Variants in ACTR6 observed in about 807,000 individuals in gnomAD.
ACTR6 encodes the protein actin-related protein 6.
In ACTR6, 50 loss-of-function variants were observed where a neutral mutation model predicts 52.5. The observed-to-expected ratio is 0.95, with a 90% CI of 0.76 to 1.20. The LOEUF (loss-of-function observed/expected upper bound fraction) is 1.20. Ranked by LOEUF, ACTR6 falls within the 50% of genes most tolerant of loss-of-function variation. ACTR6 has a pLI of 0.00. For missense variants in ACTR6, 344 were observed against 472.4 expected (o/e 0.73, Z 2.52); for synonymous variants, 135 against 147.2 (o/e 0.92, Z 0.60).
chr12:100,208,014 A>G (rs2096116412), intron 4 of ACTR6: 2 of 368,006 alleles, frequency 5.4e-6, no homozygotes, highest in Admixed American at 8.3e-5. Flanking sequence ...TAGAAAAATT[A>G]GTTGGGCATG....
At chr12:100,219,441 A>T (rs925188323) in intron 9 of ACTR6, among the ~76,000 whole-genome samples, 1 of 152,202 alleles carries the variant, frequency 6.6e-6, no homozygotes, top group African/African-American at 2.4e-5. Context: ...ATTTGCTATC[A>T]TGTAACTTTA....
chr12:100,214,117 A>G (rs575496884), intron 8 of ACTR6, among the ~76,000 whole-genome samples: 2 of 152,342 alleles, frequency 1.3e-5, no homozygotes, highest in East Asian at 3.9e-4. Flanking sequence ...AGCTATGTAC[A>G]CTTTTAGTCT....
intron 9 of ACTR6, 102 bp from the exon 10 acceptor site, chr12:100,219,906 C>T: frequency 8.3e-7 from 1 of 1,204,196 alleles, no homozygotes; most frequent in East Asian, 2.4e-5. Context: ...AACTGTAATC[C>T]CTAATTGCTT....
intron 1 of ACTR6, among the ~76,000 whole-genome samples, chr12:100,201,215 G>C (rs1016219801): frequency 6.6e-6 from 1 of 152,232 alleles, no homozygotes; most frequent in Non-Finnish European, 1.5e-5. Flanking sequence ...GGTCCGTAAA[G>C]TTCATCAGCC....
chr12:100,210,362 G>C lies in ACTR6; in HGVS notation c.572+11G>C, dbSNP rs535597100. 5.6e-6 allele frequency: 9 copies of C among 1,612,692 alleles called. No homozygotes were observed. Among genetic ancestry groups the C allele is most frequent in the Admixed American group, 3.3e-5 (2 of 59,866 alleles). On this transcript the variant is annotated intron_variant, in intron 6 of 10. Coordinates refer to ENST00000188312, the MANE Select transcript of ACTR6 (RefSeq NM_022496.5). ...GATCATATCTTACAGGTGATGCTTAGCTTTGATTCTTTGGGAGGATGGGGC... is the reference window on the plus strand; with the variant it reads ...GATCATATCTTACAGGTGATGCTTACCTTTGATTCTTTGGGAGGATGGGGC...
In ACTR6 at chr12:100,218,037, C is replaced by T. The variant is rs1230912212; in HGVS notation, c.751-378C>T. Among the ~76,000 whole-genome samples, 5 of 152,086 alleles carry T rather than the reference C, an allele frequency of 3.3e-5. No homozygotes were observed. The highest frequency in any genetic ancestry group is 2.1e-4 in the South Asian group (1 of 4,814). ...TTTGTTTTTTAAGAGACGGGGGTCTCGCTATGTTTCCCAGGCTGTCTTGAA... is the reference window on the plus strand; with the variant it reads ...TTTGTTTTTTAAGAGACGGGGGTCTTGCTATGTTTCCCAGGCTGTCTTGAA... On this transcript the variant is annotated intron_variant, in intron 8 of 10. Transcript: ENST00000188312. The surrounding 1 kb of genome is among the most constrained non-coding windows in gnomAD (Gnocchi z 4.2).
chr12:100,220,761 G>A (rs2096127520), intron 10 of ACTR6, among the ~76,000 whole-genome samples: 1 of 152,122 alleles, frequency 6.6e-6, no homozygotes, highest in African/African-American at 2.4e-5. Context: ...TTGGGAGGCT[G>A]AGGCAGGCAG....
At chr12:100,204,898 A>G (rs1286449262) in intron 1 of ACTR6, 42 bp from the exon 2 acceptor site, 4 of 1,331,096 alleles carry the variant, frequency 3.0e-6, no homozygotes, top group Admixed American at 1.9e-5. Flanking sequence ...GTTTTTAGGA[A>G]CTAAATATTT....
chr12:100,223,786 C>T lies in ACTR6; in HGVS notation c.1062C>T (p.Asn354=), dbSNP rs747049395. 2 of 1,604,280 alleles carry T rather than the reference C, an allele frequency of 1.2e-6. No individual in the cohort carries two copies. Among genetic ancestry groups the T allele is most frequent in the South Asian group, 2.3e-5 (2 of 88,572 alleles). Residue 354 remains asparagine, a splice_region_variant and synonymous_variant, in exon 11 of 11, where the codon AAC becomes AAT. Transcript: ENST00000188312. ...DYDVSVVLPE[N]PITYAWEGGK... ...GGTTCATTTATACCTTTATTTTCAG[C>T]CCTATTACTTATGCCTGGGAAGGTG...
rs1274893272 is a variant in ACTR6, at chr12:100,212,273, A to T, written c.590A>T (p.Asp197Val). 6.2e-7 allele frequency: 1 copy of T among 1,607,140 alleles called. No homozygotes were observed. The highest frequency in any genetic ancestry group is 8.5e-7 in the Non-Finnish European group (1 of 1,177,528). The change falls in exon 7 of 11, where the codon GAT becomes GTT. Residue 197 changes from aspartate to valine, a missense_variant. Asp to Val is a radical substitution (Grantham distance 152). Transcript: ENST00000188312. ...TCTGTTAGGCAGCTACATGTTATGG[A>T]TGAAACACATGTGATTAATCAAGTG... ...IISYRQLHVMDETHVINQVKE... is the reference protein window; with the variant it reads ...IISYRQLHVMVETHVINQVKE...
At chr12:100,219,960 A>G in intron 9 of ACTR6, 48 bp from the exon 10 acceptor site, 1 of 1,596,202 alleles carries the variant, frequency 6.3e-7, no homozygotes, top group Non-Finnish European at 8.5e-7. Flanking sequence ...AAGTAAACAG[A>G]TTTTCTAATG....
At chr12:100,206,563 G>A (rs2096114818) in intron 3 of ACTR6, among the ~76,000 whole-genome samples, 1 of 151,928 alleles carries the variant, frequency 6.6e-6, no homozygotes, top group Admixed American at 6.6e-5. Context: ...TCACCATGTT[G>A]CCCAGGCTGA....
chr12:100,221,013 C>CAAAA (rs371896409), intron 10 of ACTR6, among the ~76,000 whole-genome samples: 1 of 100,766 alleles, frequency 9.9e-6, no homozygotes, highest in Non-Finnish European at 2.2e-5. Flanking sequence ...ACCCCCCTGG[C>CAAAA]AAAAAAAAAA....
At chr12:100,221,791 T>A (rs1314864477) in intron 10 of ACTR6, 3 of 151,152 alleles carry the variant, frequency 2.0e-5, no homozygotes, top group African/African-American at 7.3e-5. Context: ...TTTGACCCCG[T>A]CTCTAAAAAA....
rs773179810 is a variant in ACTR6, at chr12:100,223,798, T to C, written c.1074T>C (p.Tyr358=). The C allele has an allele frequency of 3.4e-5, 55 of 1,608,094 alleles. No individual in the cohort carries two copies. The highest frequency in any genetic ancestry group is 2.6e-4 in the Admixed American group (15 of 58,500). The change falls in exon 11 of 11, where the codon TAT becomes TAC. Residue 358 remains tyrosine (Y), a synonymous_variant. Coordinates refer to ENST00000188312, the MANE Select transcript of ACTR6 (RefSeq NM_022496.5). ...SVVLPENPIT[Y]AWEGGKLISE... ...CCTTTATTTTCAGCCCTATTACTTA[T>C]GCCTGGGAAGGTGGAAAATTGATAT...
intron 8 of ACTR6, among the ~76,000 whole-genome samples, chr12:100,214,430 A>G (rs1026261110): frequency 2.0e-5 from 3 of 152,058 alleles, no homozygotes; most frequent in African/African-American, 4.8e-5. Flanking sequence ...TCATCCTTTT[A>G]TGTTCTTAGA....
chr12:100,214,595 C>T (rs549294178), intron 8 of ACTR6, among the ~76,000 whole-genome samples: 1 of 151,776 alleles, frequency 6.6e-6, no homozygotes, highest in African/African-American at 2.4e-5. Flanking sequence ...ATTAGCTGGG[C>T]ATGGTGTCAC....
At position 100,220,036 on chromosome 12, in the gene ACTR6, T is replaced by C; in HGVS notation, c.951T>C (p.Ile317=). Residue 317 remains isoleucine, a synonymous_variant, in exon 10 of 11, where the codon ATT becomes ATC. Transcript: ENST00000188312. Reference sequence around the variant, plus strand: ...TGCAGCCGCATTTTTTTAAGAACATTGTCTTGACAGGAGGAAATTCCCTTT... The same window carrying C: ...TGCAGCCGCATTTTTTTAAGAACATCGTCTTGACAGGAGGAAATTCCCTTT... ...EEMQPHFFKN[I]VLTGGNSLFP... 1 of 1,613,856 alleles carries C rather than the reference T, an allele frequency of 6.2e-7. No homozygotes were observed. Among genetic ancestry groups the C allele is most frequent in the Admixed American group, 1.7e-5 (1 of 59,958 alleles).
rs142634632 is a variant in ACTR6, at chr12:100,210,112, C to T, written c.419C>T (p.Pro140Leu). The change falls in exon 5 of 11, where the codon CCT becomes CTT. Residue 140 changes from proline to leucine, a missense_variant. By Grantham distance (98) the Pro-to-Leu change is moderately conservative (BLOSUM62 -3). Coordinates refer to ENST00000188312, the MANE Select transcript of ACTR6 (RefSeq NM_022496.5). The part of the protein sequence containing the change: ...LSAHRYFRDN[P>L]SELCCIIVDS... Reference sequence around the variant, plus strand: ...GCACATAGGTATTTCCGAGATAATCCTTCCGAATTATGCTGTATCATTGTT... The same window carrying T: ...GCACATAGGTATTTCCGAGATAATCTTTCCGAATTATGCTGTATCATTGTT... 2.4e-5 allele frequency: 38 copies of T among 1,608,898 alleles called. No homozygotes were observed. The highest frequency in any genetic ancestry group is 1.9e-4 in the Middle Eastern group (1 of 5,404).
Sources: allele counts gnomAD v4.1 joint callset (sites outside exome capture counted in the v4.1 genomes callset), GRCh38; gene constraint gnomAD v4.1.1; non-coding constraint Gnocchi (gnomAD v3.1); transcripts MANE v1.5; gene names NCBI Gene and HGNC (gene_info 2026-07-23, HGNC 2026-07-21).